The following IGF1R variants were observed in gnomAD, a reference collection of about 807,000 sequenced individuals.
The protein encoded by IGF1R is insulin-like growth factor 1 receptor.
IGF1R carries 44 observed loss-of-function variants against 144.6 expected under a neutral mutation model. The ratio of observed to expected loss-of-function variants is 0.30; its 90% confidence interval spans 0.24 to 0.39. The LOEUF (loss-of-function observed/expected upper bound fraction) is 0.39, where lower values mean the gene tolerates loss of function less well. Among genes scored for constraint, IGF1R ranks in the 10% least tolerant of loss-of-function variants. IGF1R has a pLI of 1.00. For missense variants in IGF1R, 1,355 were observed against 1,833.7 expected (o/e 0.74, Z 4.77); for synonymous variants, 795 against 722.8 (o/e 1.10, Z -1.60).
chr15:98,838,730 C>A (rs2670507), intron 2 of IGF1R, among the ~76,000 whole-genome samples: 147,543 of 152,302 alleles, frequency 0.97, 71,641 homozygotes, highest in East Asian at 1. Flanking sequence ...AAATGGAACA[C>A]AAGACAGCTG....
intron 2 of IGF1R, among the ~76,000 whole-genome samples, chr15:98,748,658 T>TC (rs1442106767): frequency 6.6e-6 from 1 of 152,236 alleles, no homozygotes; most frequent in Non-Finnish European, 1.5e-5. Context: ...ACAAATCGCT[T>TC]CTATGACTTA....
intron 1 of IGF1R, among the ~76,000 whole-genome samples, chr15:98,698,362 G>A (rs2053646338): frequency 1.3e-5 from 2 of 152,140 alleles, no homozygotes; most frequent in Non-Finnish European, 2.9e-5. Flanking sequence ...ATTTTAAAGT[G>A]TTCAGTTTAA....
intron 2 of IGF1R, among the ~76,000 whole-genome samples, chr15:98,736,201 TCGC>T (rs1288947407): frequency 2.0e-5 from 3 of 152,266 alleles, no homozygotes; most frequent in African/African-American, 7.2e-5. Flanking sequence ...TTTGCTTCTG[TCGC>T]TGCTGCTGGT....
At chr15:98,840,024 G>A (rs1385503618) in intron 2 of IGF1R, among the ~76,000 whole-genome samples, 2 of 152,092 alleles carry the variant, frequency 1.3e-5, no homozygotes, top group Admixed American at 6.5e-5. Flanking sequence ...TTCTGAACAC[G>A]CAGTTGTCCC....
At chr15:98,734,625 G>A (rs1195722049) in intron 2 of IGF1R, 1 of 152,210 alleles carries the variant, frequency 6.6e-6, no homozygotes, top group Non-Finnish European at 1.5e-5. Context: ...TGCTAAGTAA[G>A]TGTGTGTTTT....
chr15:98,715,787 G>A (rs11634241), intron 2 of IGF1R, among the ~76,000 whole-genome samples: 58,799 of 152,056 alleles, frequency 0.39, 11,873 homozygotes, highest in African/African-American at 0.49. Context: ...GCACCATCCT[G>A]GTTGGAATGT....
intron 6 of IGF1R, among the ~76,000 whole-genome samples, chr15:98,909,648 T>A (rs1174930402): frequency 6.6e-6 from 1 of 151,982 alleles, no homozygotes; most frequent in Non-Finnish European, 1.5e-5. Flanking sequence ...GCCTGTGGGG[T>A]GGAGGGGGCT....
chr15:98,657,899 C>T (rs1285609896), intron 1 of IGF1R, among the ~76,000 whole-genome samples: 1 of 152,148 alleles, frequency 6.6e-6, no homozygotes. Context: ...TCAGATTGAC[C>T]CCTATTCCGG....
chr15:98,836,994 T>G (rs1240845503), intron 2 of IGF1R, among the ~76,000 whole-genome samples: 1 of 152,254 alleles, frequency 6.6e-6, no homozygotes, highest in African/African-American at 2.4e-5. Context: ...CCTGCCAGGT[T>G]TCTCCAGTGT....
chr15:98,868,652 T>C (rs774627380), intron 2 of IGF1R, among the ~76,000 whole-genome samples: 1 of 152,186 alleles, frequency 6.6e-6, no homozygotes, highest in Non-Finnish European at 1.5e-5. Flanking sequence ...TTCTTCAAGC[T>C]GTGTGACTCT....
chr15:98,924,722 G>A, intron 13 of IGF1R, 38 bp downstream of exon 13: 1 of 1,587,478 alleles, frequency 6.3e-7, no homozygotes, highest in Non-Finnish European at 8.6e-7. Context: ...TGGTAAAACT[G>A]AAAGCAGGGT....
chr15:98,875,344 C>CTTT (rs1386523755), intron 2 of IGF1R, among the ~76,000 whole-genome samples: 1 of 121,504 alleles, frequency 8.2e-6, no homozygotes. Context: ...CTTTTCTTTT[C>CTTT]TTTTCTTTTT....
intron 18 of IGF1R, 38 bp downstream of exon 18, chr15:98,939,398 A>C: frequency 6.2e-7 from 1 of 1,609,848 alleles, no homozygotes; most frequent in South Asian, 1.1e-5. Flanking sequence ...CAAGAACTAA[A>C]CTCAGGTGTT....
At chr15:98,897,670 A>G (rs923017107) in intron 4 of IGF1R, among the ~76,000 whole-genome samples, 3 of 152,184 alleles carry the variant, frequency 2.0e-5, no homozygotes, top group Non-Finnish European at 4.4e-5. Flanking sequence ...TGGAACTCCT[A>G]GTCTCAAACA....
chr15:98,760,576 C>G (rs1483922625), intron 2 of IGF1R, among the ~76,000 whole-genome samples: 1 of 152,210 alleles, frequency 6.6e-6, no homozygotes, highest in Non-Finnish European at 1.5e-5. Context: ...GTGTCTCCAG[C>G]TGAGCTGAGT....
rs1567196780 is a variant in IGF1R at position 98,916,108 on chromosome 15, A to T, written c.1973A>T (p.Tyr658Phe). The T allele has an allele frequency of 6.2e-7, 1 of 1,614,138 alleles. No individual in the cohort carries two copies. The highest frequency in any genetic ancestry group is 8.5e-7 in the Non-Finnish European group (1 of 1,180,014). Reference sequence around the variant, plus strand: ...CGGCAGCCTCAGGACGGCTACCTTTACCGGCACAATTACTGCTCCAAAGGT... The same window carrying T: ...CGGCAGCCTCAGGACGGCTACCTTTTCCGGCACAATTACTGCTCCAAAGGT... ...WQRQPQDGYLYRHNYCSKDKI... is the reference protein window; with the variant it reads ...WQRQPQDGYLFRHNYCSKDKI... The change falls in exon 9 of 21, where the codon TAC becomes TTC. Residue 658 changes from tyrosine (Y) to phenylalanine (F), a missense_variant. Tyr to Phe is a conservative substitution (Grantham distance 22). Transcript: ENST00000650285.
intron 2 of IGF1R, among the ~76,000 whole-genome samples, chr15:98,850,484 T>C (rs1441503127): frequency 6.6e-6 from 1 of 152,174 alleles, no homozygotes; most frequent in Non-Finnish European, 1.5e-5. Context: ...CAGCAAACCA[T>C]GCCAGCTGTG....
At position 98,916,126 on chromosome 15, in the gene IGF1R, C is replaced by T. The variant is rs751448541; in HGVS notation, c.1991C>T (p.Ser664Phe). The T allele has an allele frequency of 2.3e-5, 37 of 1,614,016 alleles. No individual in the cohort carries two copies. The highest frequency in any genetic ancestry group is 3.1e-5 in the Non-Finnish European group (36 of 1,180,016). ...TACCTTTACCGGCACAATTACTGCT[C>T]CAAAGGTAAGGGTGCAGCAGCGGCC... ...DGYLYRHNYC[S>F]KDKIPIRKYA... The change falls in exon 9 of 21, where the codon TCC becomes TTC. Residue 664 changes from serine (S) to phenylalanine (F), a missense_variant. Physicochemically the swap from Ser to Phe is radical, Grantham distance 155. Around this residue, in one of 7 missense-constraint regions of IGF1R, gnomAD observed 880 missense variants for 1,202.7 expected, o/e 0.73. Coordinates refer to ENST00000650285, the MANE Select transcript of IGF1R (RefSeq NM_000875.5).
At chr15:98,658,996 A>G (rs1424973854) in intron 1 of IGF1R, among the ~76,000 whole-genome samples, 1 of 152,242 alleles carries the variant, frequency 6.6e-6, no homozygotes, top group Non-Finnish European at 1.5e-5. Context: ...AGTGCCTAGA[A>G]TAGAACCTGG....
Sources: gnomAD v4.1 joint callset for allele counts (sites outside exome capture counted in the v4.1 genomes callset) on GRCh38, gnomAD v4.1.1 for gene constraint, gnomAD v4.1.1 regional missense constraint, MANE v1.5 for transcripts, NCBI Gene and HGNC (gene_info 2026-07-23, HGNC 2026-07-21) for gene names.